TRAPPC9: variants seen among roughly 807,000 people sequenced by gnomAD.
The protein encoded by TRAPPC9 is trafficking protein particle complex subunit 9, also known as IKK2 binding protein.
A neutral mutation model predicts 124.0 loss-of-function variants in TRAPPC9; 83 were observed. The ratio of observed to expected loss-of-function variants is 0.67; its 90% confidence interval spans 0.56 to 0.80. The LOEUF (loss-of-function observed/expected upper bound fraction) is 0.80. Ranked by LOEUF, TRAPPC9 falls within the 30% of genes least tolerant of loss-of-function variation. TRAPPC9 has a pLI of 0.00. For missense variants in TRAPPC9, 1,302 were observed against 1,508.3 expected, an observed-to-expected ratio of 0.86 and a Z score of 2.27; for synonymous variants, 638 against 617.5, an observed-to-expected ratio of 1.03 and a Z score of -0.49.
At chr8:139,911,988 G>A (rs1341708790) in intron 19 of TRAPPC9, among the ~76,000 whole-genome samples, 3 of 152,090 alleles carry the variant, frequency 2.0e-5, no homozygotes, top group Non-Finnish European at 4.4e-5. Context: ...AGCTAGAGAC[G>A]CTCCCCGCAA....
At chr8:139,753,161 A>ACCAT (rs1221513658) in intron 21 of TRAPPC9, among the ~76,000 whole-genome samples, 8 of 136,450 alleles carry the variant, frequency 5.9e-5, no homozygotes, top group African/African-American at 1.7e-4. Flanking sequence ...CCACCCATCC[A>ACCAT]CCATCCATCC....
At chr8:140,333,358 T>C (rs560178222) in intron 9 of TRAPPC9, among the ~76,000 whole-genome samples, 4 of 152,320 alleles carry the variant, frequency 2.6e-5, no homozygotes, top group Non-Finnish European at 4.4e-5. Context: ...TAGATATAGA[T>C]GTAGATATAG....
At chr8:140,325,969 G>C (rs2066725136) in intron 9 of TRAPPC9, among the ~76,000 whole-genome samples, 1 of 152,028 alleles carries the variant, frequency 6.6e-6, no homozygotes, top group Non-Finnish European at 1.5e-5. Flanking sequence ...GTACACCGAA[G>C]CCTTTTAAAA....
chr8:139,993,789 C>T (rs1028609787), intron 18 of TRAPPC9, among the ~76,000 whole-genome samples: 6 of 151,902 alleles, frequency 3.9e-5, no homozygotes, highest in Non-Finnish European at 2.9e-5. Flanking sequence ...AGAAGATATA[C>T]AATATATATG....
chr8:140,446,593 G>A lies in TRAPPC9; in HGVS notation c.584+4197C>T, dbSNP rs141692215. 9.1e-3 allele frequency among the ~76,000 whole-genome samples: 1,378 copies of A among 152,138 alleles called. 30 individuals are homozygous for A. The highest frequency in any genetic ancestry group is 0.032 in the African/African-American group (1,322 of 41,508). On this transcript the variant is annotated intron_variant, in intron 2 of 22. Coordinates refer to ENST00000438773, the MANE Select transcript of TRAPPC9 (RefSeq NM_001160372.4). ...TTTGAGATGGAGTTTCGCTCTTGTC[G>A]CCCAGGCTAGAGTGCAATGGCATGA...
chr8:140,395,949 C>T (rs938195952), intron 7 of TRAPPC9, among the ~76,000 whole-genome samples: 1 of 152,086 alleles, frequency 6.6e-6, no homozygotes, highest in South Asian at 2.1e-4. Context: ...GCCGCTGACC[C>T]TTTCCACGTA....
intron 19 of TRAPPC9, among the ~76,000 whole-genome samples, chr8:139,979,409 T>C (rs1025064422): frequency 1.3e-5 from 2 of 151,950 alleles, no homozygotes; most frequent in African/African-American, 4.8e-5. Context: ...ACCAAGGTGG[T>C]GGGAAGGGCG....
intron 17 of TRAPPC9, among the ~76,000 whole-genome samples, chr8:140,164,075 A>G (rs1034552315): frequency 6.6e-6 from 1 of 152,192 alleles, no homozygotes; most frequent in African/African-American, 2.4e-5. Flanking sequence ...GGGAGAAGTC[A>G]CCCAGCACCC....
chr8:139,923,821 GA>G (rs1011586363), intron 19 of TRAPPC9, among the ~76,000 whole-genome samples: 2 of 152,190 alleles, frequency 1.3e-5, no homozygotes, highest in African/African-American at 4.8e-5. Flanking sequence ...TTAAGGCAGT[GA>G]AATGCCCCCA....
chr8:140,280,938 C>T (rs2065295773), intron 14 of TRAPPC9, among the ~76,000 whole-genome samples: 1 of 152,222 alleles, frequency 6.6e-6, no homozygotes, highest in African/African-American at 2.4e-5. Flanking sequence ...AGCAGCTCGC[C>T]TCTGAGGCTG....
intron 17 of TRAPPC9, among the ~76,000 whole-genome samples, chr8:140,094,539 C>T (rs541086930): frequency 2.0e-5 from 3 of 152,272 alleles, no homozygotes; most frequent in South Asian, 4.2e-4. Context: ...AGCACTCCAT[C>T]GTGTATCCAC....
At chr8:139,812,102 G>A (rs1427448028) in intron 21 of TRAPPC9, among the ~76,000 whole-genome samples, 8 of 152,168 alleles carry the variant, frequency 5.3e-5, no homozygotes, top group Non-Finnish European at 8.8e-5. Flanking sequence ...ATGCACACAC[G>A]ATGTAGCTGA....
intron 17 of TRAPPC9, among the ~76,000 whole-genome samples, chr8:140,061,639 A>T (rs940472324): frequency 1.3e-5 from 2 of 152,206 alleles, no homozygotes; most frequent in Admixed American, 1.3e-4. Flanking sequence ...CTGAAGGAAA[A>T]GGAGGTGTAG....
At chr8:139,927,321 T>C (rs1832875966) in intron 19 of TRAPPC9, among the ~76,000 whole-genome samples, 2 of 152,306 alleles carry the variant, frequency 1.3e-5, no homozygotes, top group South Asian at 4.2e-4. Context: ...CATAGCTCAC[T>C]GCAGCCTAGA....
intron 19 of TRAPPC9, among the ~76,000 whole-genome samples, chr8:139,957,759 C>A (rs1335172748): frequency 6.6e-6 from 1 of 152,178 alleles, no homozygotes; most frequent in Non-Finnish European, 1.5e-5. Context: ...GACACAGGAC[C>A]CCCCTGTGCC....
At chr8:139,977,387 C>T (rs1014556387) in intron 19 of TRAPPC9, among the ~76,000 whole-genome samples, 3 of 151,800 alleles carry the variant, frequency 2.0e-5, no homozygotes, top group East Asian at 2.0e-4. Context: ...TTTGGGAGGC[C>T]GAGGCGGGTG....
intron 17 of TRAPPC9, among the ~76,000 whole-genome samples, chr8:140,115,660 G>A (rs1410969517): frequency 1.3e-5 from 2 of 152,076 alleles, no homozygotes; most frequent in Non-Finnish European, 2.9e-5. Flanking sequence ...ACCGGCAGAT[G>A]CAGTAAGGCC....
At chr8:139,989,307 T>TTC (rs1404600711) in intron 18 of TRAPPC9, among the ~76,000 whole-genome samples, 1 of 133,912 alleles carries the variant, frequency 7.5e-6, no homozygotes, top group African/African-American at 2.4e-5. Context: ...CATGTCCTGC[T>TTC]TGTGTGTGTG....
At chr8:139,841,360 T>C (rs1006996305) in intron 21 of TRAPPC9, among the ~76,000 whole-genome samples, 4 of 152,198 alleles carry the variant, frequency 2.6e-5, no homozygotes, top group Admixed American at 2.6e-4. Context: ...GTTGTGGACA[T>C]CTTGGGGGCT....
Sources: allele counts gnomAD v4.1 joint callset (sites outside exome capture counted in the v4.1 genomes callset), GRCh38; gene constraint gnomAD v4.1.1; transcripts MANE v1.5; gene names NCBI Gene and HGNC (gene_info 2026-07-23, HGNC 2026-07-21).